The following SORCS1 variants were observed in gnomAD, a reference collection of about 807,000 sequenced individuals.
SORCS1 encodes the protein sortilin related VPS10 domain containing receptor 1, also known as VPS10 domain-containing receptor SorCS1.
Under a neutral mutation model 146.1 loss-of-function variants are expected in SORCS1, and 60 were observed. The ratio of observed to expected loss-of-function variants is 0.41; its 90% confidence interval spans 0.33 to 0.51. The LOEUF (loss-of-function observed/expected upper bound fraction) is 0.51. SORCS1 is among the 20% of genes least tolerant of loss of function. The pLI is 0.21. For synonymous variants in SORCS1, 637 were observed against 584.0 expected (o/e 1.09, Z -1.31); for missense variants, 1,352 against 1,487.6 (o/e 0.91, Z 1.50).
At chr10:106,857,569 A>T (rs1409300849) in intron 2 of SORCS1, among the ~76,000 whole-genome samples, 1 of 152,222 alleles carries the variant, frequency 6.6e-6, no homozygotes, top group African/African-American at 2.4e-5. Context: ...TAGCTCCGAA[A>T]GCCAAGGGCG....
intron 2 of SORCS1, among the ~76,000 whole-genome samples, chr10:106,861,781 C>T (rs1222135313): frequency 1.3e-5 from 2 of 151,368 alleles, no homozygotes; most frequent in Non-Finnish European, 2.9e-5. Context: ...CCCAGCTACT[C>T]GGGAGGCTGA....
At chr10:106,927,376 T>C (rs1953106823) in intron 2 of SORCS1, among the ~76,000 whole-genome samples, 1 of 151,904 alleles carries the variant, frequency 6.6e-6, no homozygotes, top group Admixed American at 6.6e-5. Context: ...TTCCTCCCGG[T>C]GGGTTCGTGG....
intron 1 of SORCS1, among the ~76,000 whole-genome samples, chr10:107,161,515 C>T (rs1969702231): frequency 6.6e-6 from 1 of 152,160 alleles, no homozygotes; most frequent in Non-Finnish European, 1.5e-5. Context: ...AGTCACACTG[C>T]CCTCTTATGT....
rs1589644785 is a variant in SORCS1, at chr10:106,574,524, T to A, written c.*2896A>T. 6.5e-6 allele frequency: 1 copy of A among 152,724 alleles called. No homozygotes were observed. The highest frequency in any genetic ancestry group is 2.1e-4 in the South Asian group (1 of 4,820). The allele number at this position is 152,724 out of a possible 1,614,324, so 9.5% of individuals were successfully genotyped here. A position where few individuals can be genotyped will look rare whatever the true frequency, so the allele number is the denominator to read the frequency against. On this transcript the variant is annotated 3_prime_UTR_variant, in exon 26 of 26. Transcript: ENST00000263054. ...CTGGAATGGCCTAGTACAATGGTTCTCAAACTTTAGTATGTATCACAATCA... is the reference window on the plus strand; with the variant it reads ...CTGGAATGGCCTAGTACAATGGTTCACAAACTTTAGTATGTATCACAATCA...
At chr10:107,078,806 T>C (rs577779097) in intron 1 of SORCS1, among the ~76,000 whole-genome samples, 9 of 152,326 alleles carry the variant, frequency 5.9e-5, no homozygotes, top group African/African-American at 2.2e-4. Flanking sequence ...TTCACTGTGG[T>C]TGTATTTGTG....
chr10:106,889,520 T>G (rs1042585544), intron 2 of SORCS1, among the ~76,000 whole-genome samples: 1 of 152,000 alleles, frequency 6.6e-6, no homozygotes, highest in Non-Finnish European at 1.5e-5. Flanking sequence ...TCCCAGCACT[T>G]TGGGAGGCCG....
intron 18 of SORCS1, among the ~76,000 whole-genome samples, chr10:106,630,048 A>G (rs2133581441): frequency 6.6e-6 from 1 of 152,288 alleles, no homozygotes; most frequent in African/African-American, 2.4e-5. Context: ...CGTCTCAGAA[A>G]CAAAGAAACA....
intron 6 of SORCS1, among the ~76,000 whole-genome samples, chr10:106,725,069 G>A (rs988051779): frequency 3.3e-5 from 5 of 152,148 alleles, no homozygotes; most frequent in African/African-American, 1.2e-4. Context: ...GAATCCAGGA[G>A]GCAGAGGTTG....
chr10:106,989,309 T>G (rs1956641450), intron 1 of SORCS1, among the ~76,000 whole-genome samples: 1 of 88,074 alleles, frequency 1.1e-5, no homozygotes, highest in Non-Finnish European at 3.0e-5. Context: ...AATACTCCAA[T>G]GCCTTTCCTA....
chr10:107,031,082 T>A (rs1017104758), intron 1 of SORCS1, among the ~76,000 whole-genome samples: 1 of 152,174 alleles, frequency 6.6e-6, no homozygotes, highest in Non-Finnish European at 1.5e-5. Context: ...GCTCAGCCTA[T>A]GTGGAGGGTA....
Position 107,047,022 on chromosome 10 carries a change from T to G in SORCS1, c.559-90442A>C, listed in dbSNP as rs144584937. On this transcript the variant is annotated intron_variant, in intron 1 of 25. Coordinates refer to ENST00000263054, the MANE Select transcript of SORCS1 (RefSeq NM_052918.5). The stretch of plus-strand genomic sequence containing the variant: ...TTTATTTTTTGAGATGGAATCTCGC[T>G]CTATTGTCCATGCCAGAGTGCAGTG... Among the ~76,000 whole-genome samples the G allele has an allele frequency of 4.1e-3, 629 of 152,330 alleles. 4 individuals are homozygous for G. Among genetic ancestry groups the G allele is most frequent in the African/African-American group, 0.014 (582 of 41,574 alleles).
At chr10:106,985,469 T>G (rs947428953) in intron 1 of SORCS1, among the ~76,000 whole-genome samples, 2 of 151,396 alleles carry the variant, frequency 1.3e-5, no homozygotes, top group African/African-American at 4.9e-5. Context: ...AGGAAATGAA[T>G]GTCTACAGAG....
At chr10:107,128,438 GA>G (rs1966830450) in intron 1 of SORCS1, among the ~76,000 whole-genome samples, 1 of 152,188 alleles carries the variant, frequency 6.6e-6, no homozygotes, top group South Asian at 2.1e-4. Flanking sequence ...TCTAGATTTT[GA>G]AATCATCAGT....
At chr10:106,678,770 C>T (rs1428859328) in intron 12 of SORCS1, among the ~76,000 whole-genome samples, 1 of 152,176 alleles carries the variant, frequency 6.6e-6, no homozygotes, top group Non-Finnish European at 1.5e-5. Flanking sequence ...ATGGTTATTA[C>T]TCTGTCTTTT....
chr10:107,097,045 G>A (rs1590128411), intron 1 of SORCS1, among the ~76,000 whole-genome samples: 1 of 152,130 alleles, frequency 6.6e-6, no homozygotes, highest in African/African-American at 2.4e-5. Context: ...TCAATATTGA[G>A]ATCTTTTCGC....
At chr10:106,807,968 A>G (rs1162628355) in intron 3 of SORCS1, among the ~76,000 whole-genome samples, 1 of 152,228 alleles carries the variant, frequency 6.6e-6, no homozygotes, top group Non-Finnish European at 1.5e-5. Flanking sequence ...ATTGAGATCA[A>G]TTGCACCCTT....
rs139355953 is a variant in SORCS1 at position 107,135,660 on chromosome 10, C to A, written c.558+28309G>T. Among the ~76,000 whole-genome samples, 1,298 of 152,218 alleles carry A rather than the reference C, an allele frequency of 8.5e-3. 8 individuals carry two copies. Among genetic ancestry groups the A allele is most frequent in the Non-Finnish European group, 0.013 (910 of 68,016 alleles). ...AGCTATCAGTGTATCTGATTAACAC[C>A]GTATTGTCCAGAAAGCAATTACGTC... On this transcript the variant is annotated intron_variant, in intron 1 of 25. Transcript: ENST00000263054.
chr10:106,724,535 A>AT (rs1190647920), intron 6 of SORCS1, among the ~76,000 whole-genome samples: 1 of 151,832 alleles, frequency 6.6e-6, no homozygotes, highest in Admixed American at 6.6e-5. Flanking sequence ...TAAAATAAAA[A>AT]TAAAAAAATA....
At chr10:107,051,408 G>T (rs1456655387) in intron 1 of SORCS1, among the ~76,000 whole-genome samples, 1 of 152,156 alleles carries the variant, frequency 6.6e-6, no homozygotes. Flanking sequence ...TATGTGTCTA[G>T]AATATTGAAT....
Sources: gnomAD v4.1 joint callset for allele counts (sites outside exome capture counted in the v4.1 genomes callset) on GRCh38, gnomAD v4.1.1 for gene constraint, MANE v1.5 for transcripts, NCBI Gene and HGNC (gene_info 2026-07-23, HGNC 2026-07-21) for gene names.